Variants in SAMD3 observed in about 807,000 individuals in gnomAD.
SAMD3 encodes sterile alpha motif domain-containing protein 3.
Under a neutral mutation model 58.5 loss-of-function variants are expected in SAMD3, and 63 were observed. That is an observed-to-expected ratio of 1.08 (90% CI 0.88 to 1.33). The LOEUF (loss-of-function observed/expected upper bound fraction) is 1.33, where lower values mean the gene tolerates loss of function less well. Among genes scored for constraint, SAMD3 ranks in the 40% most tolerant of loss-of-function variants. The probability of loss-of-function intolerance (pLI) is 0.00; values close to 1 mark genes in which losing one functional copy is unlikely to be tolerated. For synonymous variants in SAMD3, 220 were observed against 210.3 expected, an observed-to-expected ratio of 1.05 and a Z score of -0.40; for missense variants, 604 against 608.4, an observed-to-expected ratio of 0.99 and a Z score of 0.08.
rs1275987797 is a variant in SAMD3 at position 130,349,421 on chromosome 6, A to C, written c.-304+15699T>G. Among the ~76,000 whole-genome samples, 4 of 152,358 alleles carry C rather than the reference A, an allele frequency of 2.6e-5. No individual in the cohort carries two copies. In the East Asian group the frequency reaches 5.8e-4, roughly 22 times the overall value. ...TATCACCACCAATCCACAGAAATACAAACTACCATCAGAGAATACTATAAA... is the reference window on the plus strand; with the variant it reads ...TATCACCACCAATCCACAGAAATACCAACTACCATCAGAGAATACTATAAA... On this transcript the variant is annotated intron_variant, in intron 1 of 13. Transcript: ENST00000368134.
At chr6:130,270,364 A>AT (rs1442750270) in intron 2 of SAMD3, among the ~76,000 whole-genome samples, 1 of 152,172 alleles carries the variant, frequency 6.6e-6, no homozygotes, top group Non-Finnish European at 1.5e-5. Context: ...AAGTGCTGGG[A>AT]TTACGGGCTT....
At chr6:130,335,051 C>T (rs1018590065) in intron 1 of SAMD3, among the ~76,000 whole-genome samples, 1 of 152,160 alleles carries the variant, frequency 6.6e-6, no homozygotes, top group Non-Finnish European at 1.5e-5. Flanking sequence ...GGGATGGGGC[C>T]AAGACCTGAC....
At chr6:130,214,550 T>A (rs1259386836) in intron 3 of SAMD3, 24 bp from the exon 4 acceptor site, 1 of 1,551,840 alleles carries the variant, frequency 6.4e-7, no homozygotes, top group Non-Finnish European at 8.7e-7. Context: ...AAAAAATTAG[T>A]TTCTACATGA....
intron 1 of SAMD3, among the ~76,000 whole-genome samples, chr6:130,358,989 C>A (rs990087754): frequency 1.8e-4 from 28 of 152,118 alleles, no homozygotes; most frequent in African/African-American, 6.0e-4. Flanking sequence ...AGAGCACAGG[C>A]CTTAGCATCA....
At chr6:130,162,235 G>T (rs1015118058) in intron 8 of SAMD3, 1 of 701,548 alleles carries the variant, frequency 1.4e-6, no homozygotes, top group Admixed American at 2.0e-5. Context: ...GGTTGTAATA[G>T]CAGAGCATAG....
intron 1 of SAMD3, among the ~76,000 whole-genome samples, chr6:130,360,588 A>G (rs531867114): frequency 6.7e-4 from 102 of 152,332 alleles, no homozygotes; most frequent in African/African-American, 2.4e-3. Flanking sequence ...GGGTGAGAAC[A>G]CAGGACCACA....
chr6:130,325,770 G>A lies in SAMD3; in HGVS notation c.-303-12677C>T, dbSNP rs1226785535. On this transcript the variant is annotated intron_variant, in intron 1 of 13. Coordinates refer to the SAMD3 transcript ENST00000368134. ...GCTGAAATTACTCTTTAAATGTCATGGTTCGAGTGTTTTGAGTTCAATGTA... is the reference window on the plus strand; with the variant it reads ...GCTGAAATTACTCTTTAAATGTCATAGTTCGAGTGTTTTGAGTTCAATGTA... Among the ~76,000 whole-genome samples the A allele has an allele frequency of 3.9e-5, 6 of 152,206 alleles. No homozygotes were observed. The East Asian group carries it at 5.8e-4, about 15-fold the overall frequency.
chr6:130,223,794 T>G (rs926835960), upstream of SAMD3, among the ~76,000 whole-genome samples: 2 of 152,138 alleles, frequency 1.3e-5, no homozygotes, highest in African/African-American at 4.8e-5. Flanking sequence ...TGGCAGCACC[T>G]AGGGTTGAGT....
At chr6:130,316,421 C>CTA (rs1417268029) in intron 1 of SAMD3, among the ~76,000 whole-genome samples, 2 of 151,474 alleles carry the variant, frequency 1.3e-5, no homozygotes, top group Non-Finnish European at 2.9e-5. Flanking sequence ...GAAGAGTGTG[C>CTA]TATAGGTTAT....
At chr6:130,146,236 A>G in intron 9 of SAMD3, 55 bp from the exon 10 acceptor site, 1 of 1,104,572 alleles carries the variant, frequency 9.1e-7, no homozygotes, top group Non-Finnish European at 1.2e-6. Flanking sequence ...GCTAATATAT[A>G]GAATGTAAAG....
At chr6:130,334,485 T>C (rs1359103704) in intron 1 of SAMD3, among the ~76,000 whole-genome samples, 1 of 152,182 alleles carries the variant, frequency 6.6e-6, no homozygotes, top group African/African-American at 2.4e-5. Flanking sequence ...AGAGGCAACA[T>C]AGTATGGTAG....
At chr6:130,234,245 T>TTTTATTTA (rs569190439) in intron 2 of SAMD3, among the ~76,000 whole-genome samples, 12 of 152,016 alleles carry the variant, frequency 7.9e-5, no homozygotes, top group Non-Finnish European at 7.4e-5. Context: ...CAAAATCCAT[T>TTTTATTTA]TTTATTTATT....
intron 5 of SAMD3, among the ~76,000 whole-genome samples, chr6:130,196,241 C>T (rs1385653834): frequency 6.6e-6 from 1 of 152,168 alleles, no homozygotes; most frequent in African/African-American, 2.4e-5. Flanking sequence ...AACTCACTCT[C>T]TACAGTTCTC....
chr6:130,289,862 C>T (rs980534257), intron 2 of SAMD3, among the ~76,000 whole-genome samples: 6 of 152,182 alleles, frequency 3.9e-5, no homozygotes, highest in African/African-American at 7.2e-5. Context: ...AACTCATATC[C>T]TTCCAGAAAT....
chr6:130,184,199 A>G lies in SAMD3; in HGVS notation c.570-12T>C. 2 of 1,596,014 alleles carry G rather than the reference A, an allele frequency of 1.3e-6. No homozygotes were observed. The highest frequency in any genetic ancestry group is 1.7e-6 in the Non-Finnish European group (2 of 1,167,682). ...GGGTGCTGGGGTACCTGTTCACCAA[A>G]ACAAGGAGGATATGTTTCACTTCAA... On this transcript the variant is annotated splice_polypyrimidine_tract_variant and intron_variant, in intron 6 of 11. Transcript: ENST00000439090.
chr6:130,303,680 C>A (rs1387129822), intron 2 of SAMD3, among the ~76,000 whole-genome samples: 1 of 152,140 alleles, frequency 6.6e-6, no homozygotes, highest in African/African-American at 2.4e-5. Context: ...CTTCCTTTTT[C>A]TCCACTGCTC....
Position 130,316,470 on chromosome 6 carries a change from G to A in SAMD3, c.-303-3377C>T, listed in dbSNP as rs73617826. Among the ~76,000 whole-genome samples, 1,161 of 152,024 alleles carry A rather than the reference G, an allele frequency of 7.6e-3. 14 individuals carry two copies. Among genetic ancestry groups the A allele is most frequent in the African/African-American group, 0.027 (1,107 of 41,476 alleles). On this transcript the variant is annotated intron_variant, in intron 1 of 13. Transcript: ENST00000368134. ...GAAGAACTGAGAAAATGTATTTTGG[G>A]CTAAAAATTTTTATAATTAAAAAAT...
rs1056038317 is a variant in SAMD3, at chr6:130,241,028, C to T, written c.-187-18215G>A. ...CTTCTCCTGTTGAATTCCTCTTTGG[C>T]GAACTGTCAGTCAGGATGCTCCAGT... On this transcript the variant is annotated intron_variant, in intron 2 of 13. Coordinates refer to the SAMD3 transcript ENST00000368134. 1.1e-4 allele frequency among the ~76,000 whole-genome samples: 17 copies of T among 151,952 alleles called. 1 individual carries two copies. Among genetic ancestry groups the T allele is most frequent in the Admixed American group, 9.2e-4 (14 of 15,236 alleles).
At chr6:130,331,739 T>A (rs1459999496) in intron 1 of SAMD3, among the ~76,000 whole-genome samples, 1 of 152,110 alleles carries the variant, frequency 6.6e-6, no homozygotes, top group Non-Finnish European at 1.5e-5. Context: ...AAAAAGTTCA[T>A]AAGCTTTTAC....
Sources: gnomAD v4.1 joint callset for allele counts (sites outside exome capture counted in the v4.1 genomes callset) on GRCh38, gnomAD v4.1.1 for gene constraint, MANE v1.5 for transcripts, NCBI Gene and HGNC (gene_info 2026-07-23, HGNC 2026-07-21) for gene names.